Variants in SHISA9 observed in about 807,000 individuals in gnomAD.
The protein encoded by SHISA9 is protein shisa-9.
SHISA9 carries 13 observed loss-of-function variants against 38.0 expected under a neutral mutation model. The observed-to-expected ratio is 0.34, with a 90% CI of 0.22 to 0.54. The LOEUF (loss-of-function observed/expected upper bound fraction) is 0.54. Ranked by LOEUF, SHISA9 falls within the 20% of genes least tolerant of loss-of-function variation. SHISA9 has a pLI of 0.91. For synonymous variants in SHISA9, 275 were observed against 242.0 expected (o/e 1.14, Z -1.27); for missense variants, 538 against 575.8 (o/e 0.93, Z 0.67).
intron 2 of SHISA9, among the ~76,000 whole-genome samples, chr16:12,947,107 G>A (rs963952802): frequency 6.6e-6 from 1 of 152,194 alleles, no homozygotes. Context: ...GTGGTCCCAA[G>A]GTGGGTGTTA....
At chr16:13,202,777 AC>A (rs1159063166) in intron 2 of SHISA9, among the ~76,000 whole-genome samples, 1 of 152,202 alleles carries the variant, frequency 6.6e-6, no homozygotes, top group African/African-American at 2.4e-5. Flanking sequence ...TGGTGCAAAA[AC>A]ATCTCTGAAC....
In SHISA9 at chr16:13,024,036, A is replaced by G. The variant is rs74339096; in HGVS notation, c.691+107221A>G. 7.9e-4 allele frequency among the ~76,000 whole-genome samples: 120 copies of G among 152,320 alleles called. No homozygotes were observed. In the East Asian group the frequency reaches 0.021, roughly 27 times the overall value. On this transcript the variant is annotated intron_variant, in intron 2 of 4. Transcript: ENST00000558583. ...AAGTAAGAGTAATTAGATGCCTTTT[A>G]TGTGCGAGGAACTGGGTTAAAGCTC...
intron 2 of SHISA9, among the ~76,000 whole-genome samples, chr16:12,947,042 C>A (rs1485149842): frequency 6.6e-6 from 1 of 152,126 alleles, no homozygotes; most frequent in Non-Finnish European, 1.5e-5. Context: ...CAAAAGGTTT[C>A]CCAGCATTTG....
the SHISA9 span, among the ~76,000 whole-genome samples, chr16:13,345,427 G>A: frequency 0.046 from 7,001 of 152,118 alleles, 347 homozygotes; most frequent in African/African-American, 0.13. Context: ...CCCTGCAAAG[G>A]ACATAATTAT....
the SHISA9 span, among the ~76,000 whole-genome samples, chr16:13,283,061 T>C: frequency 2.6e-5 from 4 of 152,142 alleles, 1 homozygote; most frequent in Non-Finnish European, 4.4e-5. Context: ...CTTGTATGGC[T>C]AGTGGGTTTT....
chr16:13,441,613 C>T, the SHISA9 span, among the ~76,000 whole-genome samples: 1 of 152,162 alleles, frequency 6.6e-6, no homozygotes, highest in African/African-American at 2.4e-5. Context: ...AGTGAAAATG[C>T]TCTATAGACT....
At chr16:13,199,207 G>C (rs563113127) in intron 2 of SHISA9, among the ~76,000 whole-genome samples, 9 of 152,254 alleles carry the variant, frequency 5.9e-5, no homozygotes, top group Admixed American at 5.2e-4. Flanking sequence ...GAGGATAATA[G>C]GCTTTGAAGG....
intron 2 of SHISA9, among the ~76,000 whole-genome samples, chr16:13,124,783 G>A (rs2050242269): frequency 6.6e-6 from 1 of 152,126 alleles, no homozygotes; most frequent in Non-Finnish European, 1.5e-5. Flanking sequence ...ATAAACCAAT[G>A]GAGCAGAATA....
the SHISA9 span, among the ~76,000 whole-genome samples, chr16:13,453,018 C>T: frequency 6.6e-6 from 1 of 151,952 alleles, no homozygotes; most frequent in Admixed American, 6.6e-5. Flanking sequence ...AAGCGATTCT[C>T]CTACCTCAGC....
At chr16:13,135,848 C>CAAA (rs1008189866) in intron 2 of SHISA9, among the ~76,000 whole-genome samples, 2 of 152,136 alleles carry the variant, frequency 1.3e-5, no homozygotes, top group African/African-American at 4.8e-5. Flanking sequence ...TTTCATCTGG[C>CAAA]AAAAACACCA....
intron 2 of SHISA9, among the ~76,000 whole-genome samples, chr16:13,128,523 T>G (rs934559724): frequency 6.6e-6 from 1 of 152,134 alleles, no homozygotes; most frequent in Non-Finnish European, 1.5e-5. Context: ...TAATAATACC[T>G]ACCATGTAGG....
At chr16:13,398,748 G>A in the SHISA9 span, among the ~76,000 whole-genome samples, 2 of 152,054 alleles carry the variant, frequency 1.3e-5, no homozygotes, top group African/African-American at 4.8e-5. Flanking sequence ...CTGACCTCAG[G>A]TGATCCACAC....
At chr16:13,217,088 G>A (rs1265643197) in intron 4 of SHISA9, among the ~76,000 whole-genome samples, 3 of 151,368 alleles carry the variant, frequency 2.0e-5, no homozygotes, top group South Asian at 2.1e-4. Context: ...TGGCTAACAC[G>A]GTGAAACCCC....
chr16:12,916,610 C>T (rs1222205804), intron 1 of SHISA9, 78 bp from the exon 2 acceptor site: 2 of 1,471,640 alleles, frequency 1.4e-6, no homozygotes, highest in African/African-American at 1.4e-5. Flanking sequence ...CATTTGTTCG[C>T]GACTGCAGTA....
At chr16:13,281,102 G>A in the SHISA9 span, among the ~76,000 whole-genome samples, 55 of 151,724 alleles carry the variant, frequency 3.6e-4, no homozygotes, top group South Asian at 5.0e-3. Context: ...CTTAATTCTC[G>A]TTTTTAAAAA....
intron 2 of SHISA9, among the ~76,000 whole-genome samples, chr16:13,108,708 A>G (rs1192498068): frequency 1.3e-5 from 2 of 152,234 alleles, no homozygotes; most frequent in Non-Finnish European, 1.5e-5. Context: ...ATTAGGATGG[A>G]GCAAGATTGC....
intron 2 of SHISA9, among the ~76,000 whole-genome samples, chr16:13,030,050 A>G (rs1473634322): frequency 6.6e-6 from 1 of 152,270 alleles, no homozygotes; most frequent in Non-Finnish European, 1.5e-5. Flanking sequence ...TGTTTAGCAT[A>G]GTGCCTGGTA....
At chr16:13,416,038 C>T in the SHISA9 span, among the ~76,000 whole-genome samples, 1 of 152,118 alleles carries the variant, frequency 6.6e-6, no homozygotes, top group Non-Finnish European at 1.5e-5. Context: ...TTTACTTGTT[C>T]TGGGCCAGGA....
At chr16:13,186,405 C>G (rs2050823724) in intron 2 of SHISA9, among the ~76,000 whole-genome samples, 1 of 140,732 alleles carries the variant, frequency 7.1e-6, no homozygotes, top group Non-Finnish European at 1.5e-5. Context: ...TCAAGCAATT[C>G]TCCTGCCTCA....
Sources: gnomAD v4.1 joint callset for allele counts (sites outside exome capture counted in the v4.1 genomes callset) on GRCh38, gnomAD v4.1.1 for gene constraint, MANE v1.5 for transcripts, NCBI Gene and HGNC (gene_info 2026-07-23, HGNC 2026-07-21) for gene names.